GRIA2: variants seen among roughly 807,000 people sequenced by gnomAD.
The protein encoded by GRIA2 is glutamate receptor 2.
GRIA2 carries 14 observed loss-of-function variants against 97.3 expected under a neutral mutation model. The observed-to-expected ratio is 0.14, with a 90% confidence interval of 0.10 to 0.23. The LOEUF (loss-of-function observed/expected upper bound fraction) is 0.23, where lower values mean the gene tolerates loss of function less well. GRIA2 is among the 10% of genes least tolerant of loss of function. GRIA2 has a pLI of 1.00. For missense variants in GRIA2, 558 were observed against 1,069.8 expected, an observed-to-expected ratio of 0.52 and a Z score of 6.67; for synonymous variants, 412 against 387.8, an observed-to-expected ratio of 1.06 and a Z score of -0.73.
At chr4:157,242,280 G>GA (rs891524499) in intron 2 of GRIA2, among the ~76,000 whole-genome samples, 4 of 151,966 alleles carry the variant, frequency 2.6e-5, no homozygotes, top group African/African-American at 7.2e-5. Context: ...ATATTCAGTG[G>GA]AAAAAAACTA....
chr4:157,276,235 G>T (rs1443704896), intron 2 of GRIA2, among the ~76,000 whole-genome samples: 1 of 152,068 alleles, frequency 6.6e-6, no homozygotes, highest in Non-Finnish European at 1.5e-5. Context: ...ATAACAGAAA[G>T]ATAGCTGGAA....
At chr4:157,285,469 A>T (rs892221304) in intron 2 of GRIA2, among the ~76,000 whole-genome samples, 1 of 151,376 alleles carries the variant, frequency 6.6e-6, no homozygotes, top group African/African-American at 2.4e-5. Flanking sequence ...CTTTTCCTAT[A>T]TTTAATTTAC....
intron 2 of GRIA2, among the ~76,000 whole-genome samples, chr4:157,284,114 G>A (rs961063935): frequency 1.4e-4 from 22 of 151,892 alleles, no homozygotes; most frequent in African/African-American, 4.6e-4. Context: ...TGTAAGTGGC[G>A]TGACCCAGAA....
chr4:157,223,622 G>A (rs1729609160), intron 2 of GRIA2, among the ~76,000 whole-genome samples: 1 of 152,162 alleles, frequency 6.6e-6, no homozygotes, highest in Non-Finnish European at 1.5e-5. Flanking sequence ...ACTGTTCTGA[G>A]TATCTAACTG....
chr4:157,305,959 G>T (rs577839051), intron 3 of GRIA2, among the ~76,000 whole-genome samples: 6 of 152,208 alleles, frequency 3.9e-5, no homozygotes, highest in African/African-American at 1.4e-4. Context: ...TCATGACTCT[G>T]TACCCAGTGC....
chr4:157,270,393 A>T (rs1044219385), intron 2 of GRIA2, among the ~76,000 whole-genome samples: 1 of 152,120 alleles, frequency 6.6e-6, no homozygotes, highest in African/African-American at 2.4e-5. Flanking sequence ...CAGAGAACTC[A>T]AAGTGTTCAA....
chr4:157,362,649 G>A (rs1736683362), intron 14 of GRIA2, 150 bp from the exon 15 acceptor site: 1 of 707,966 alleles, frequency 1.4e-6, no homozygotes, highest in South Asian at 1.8e-5. Flanking sequence ...TTATGAAAAT[G>A]GACCATCTAA....
chr4:157,237,121 A>G (rs1253728328), intron 2 of GRIA2, among the ~76,000 whole-genome samples: 1 of 152,012 alleles, frequency 6.6e-6, no homozygotes, highest in Non-Finnish European at 1.5e-5. Flanking sequence ...CTGTGCTTTA[A>G]TACCATCATA....
At chr4:157,267,824 T>G (rs2126783169) in intron 2 of GRIA2, among the ~76,000 whole-genome samples, 1 of 152,244 alleles carries the variant, frequency 6.6e-6, no homozygotes. Context: ...TTCTTTGAAA[T>G]TTTAGGACTG....
chr4:157,278,190 A>G (rs1186911764), intron 2 of GRIA2, among the ~76,000 whole-genome samples: 3 of 151,918 alleles, frequency 2.0e-5, no homozygotes, highest in East Asian at 3.9e-4. Context: ...GAACAAAGTC[A>G]GAGGACTCAT....
At chr4:157,263,784 A>G (rs1320128827) in intron 2 of GRIA2, among the ~76,000 whole-genome samples, 1 of 152,070 alleles carries the variant, frequency 6.6e-6, no homozygotes, top group Non-Finnish European at 1.5e-5. Context: ...GTTTTGTCCA[A>G]TGAGGAGTCA....
At chr4:157,243,964 G>A (rs1730619435) in intron 2 of GRIA2, among the ~76,000 whole-genome samples, 1 of 152,032 alleles carries the variant, frequency 6.6e-6, no homozygotes, top group Non-Finnish European at 1.5e-5. Context: ...TATAGCTTGA[G>A]AAATGCACTT....
intron 2 of GRIA2, among the ~76,000 whole-genome samples, chr4:157,244,477 C>A (rs1730642691): frequency 6.6e-6 from 1 of 152,050 alleles, no homozygotes; most frequent in Non-Finnish European, 1.5e-5. Context: ...CTCACAAAAT[C>A]ATTTCGAGAT....
chr4:157,327,081 G>T (rs1358936110), intron 6 of GRIA2, among the ~76,000 whole-genome samples: 1 of 152,104 alleles, frequency 6.6e-6, no homozygotes, highest in East Asian at 1.9e-4. Flanking sequence ...AATAATAATT[G>T]TAAAATCGTA....
intron 2 of GRIA2, among the ~76,000 whole-genome samples, chr4:157,285,960 T>G (rs532529093): frequency 6.6e-6 from 1 of 151,508 alleles, no homozygotes; most frequent in African/African-American, 2.4e-5. Context: ...GTAGGTGATA[T>G]AATAATAAGG....
At chr4:157,246,782 C>A (rs969515043) in intron 2 of GRIA2, among the ~76,000 whole-genome samples, 2 of 152,058 alleles carry the variant, frequency 1.3e-5, no homozygotes, top group Non-Finnish European at 2.9e-5. Flanking sequence ...TTTCTTCACA[C>A]AAATATTGAG....
At chr4:157,357,718 A>G (rs1481576196) in intron 12 of GRIA2, among the ~76,000 whole-genome samples, 2 of 152,122 alleles carry the variant, frequency 1.3e-5, no homozygotes, top group Non-Finnish European at 2.9e-5. Context: ...CAGAACTAAT[A>G]TATCTTCTAA....
Position 157,361,100 on chromosome 4 carries a change from C to T in GRIA2, c.2382C>T (p.Cys794=), listed in dbSNP as rs905388046. The T allele has an allele frequency of 1.9e-6, 3 of 1,611,834 alleles. No individual in the cohort carries two copies. Among genetic ancestry groups the T allele is most frequent in the Non-Finnish European group, 2.5e-6 (3 of 1,178,352 alleles). Reference sequence around the variant, plus strand: ...AATGGTGGTACGACAAAGGAGAGTGCGGCAGCGGGGGAGGTGATTCCAAGG... The same window carrying T: ...AATGGTGGTACGACAAAGGAGAGTGTGGCAGCGGGGGAGGTGATTCCAAGG... ...KNKWWYDKGE[C]GSGGGDSKEK... is the part of the protein sequence containing the mutation. The change falls in exon 14 of 16, where the codon TGC becomes TGT. Residue 794 remains cysteine (C), a synonymous_variant. Transcript: ENST00000264426. This position sits in a 1 kb window ranked among gnomAD's most constrained non-coding sequence, Gnocchi z 5.2.
At chr4:157,306,977 A>C (rs1733873128) in intron 3 of GRIA2, among the ~76,000 whole-genome samples, 1 of 152,120 alleles carries the variant, frequency 6.6e-6, no homozygotes, top group Admixed American at 6.6e-5. Context: ...AGATCTCTAC[A>C]TGCCTCAGTT....
Sources: gnomAD v4.1 joint callset for allele counts (sites outside exome capture counted in the v4.1 genomes callset) on GRCh38, gnomAD v4.1.1 for gene constraint, Gnocchi (gnomAD v3.1) non-coding constraint, MANE v1.5 for transcripts, NCBI Gene and HGNC (gene_info 2026-07-23, HGNC 2026-07-21) for gene names.